CERS3: variants seen among roughly 807,000 people sequenced by gnomAD.
CERS3 encodes ceramide synthase 3.
In CERS3, 33 loss-of-function variants were observed where a neutral mutation model predicts 50.3. The observed-to-expected ratio is 0.66, with a 90% CI of 0.50 to 0.88. CERS3 has a LOEUF of 0.88. Among genes scored for constraint, CERS3 ranks in the 40% least tolerant of loss-of-function variants. The probability of loss-of-function intolerance (pLI) is 0.00; values close to 1 mark genes in which losing one functional copy is unlikely to be tolerated. For missense variants in CERS3, 470 were observed against 460.3 expected (o/e 1.02, Z -0.19); for synonymous variants, 176 against 155.2 (o/e 1.13, Z -0.99).
intron 2 of CERS3, among the ~76,000 whole-genome samples, chr15:100,513,915 A>G (rs953016372): frequency 2.0e-5 from 3 of 152,206 alleles, no homozygotes; most frequent in East Asian, 1.9e-4. Flanking sequence ...TTAAGCATCT[A>G]TAAGATCCTC....
chr15:100,405,749 T>C (rs1654018088), intron 11 of CERS3, among the ~76,000 whole-genome samples: 1 of 152,186 alleles, frequency 6.6e-6, no homozygotes, highest in Non-Finnish European at 1.5e-5. Flanking sequence ...ATTATGGGGA[T>C]GGCTGCACAA....
chr15:100,409,306 T>C (rs1452890075), intron 11 of CERS3, among the ~76,000 whole-genome samples: 1 of 152,236 alleles, frequency 6.6e-6, no homozygotes, highest in Non-Finnish European at 1.5e-5. Context: ...CTACATTCTA[T>C]TTCATTTTTA....
intron 11 of CERS3, among the ~76,000 whole-genome samples, chr15:100,440,783 C>T (rs946303817): frequency 6.6e-6 from 1 of 152,246 alleles, no homozygotes; most frequent in African/African-American, 2.4e-5. Flanking sequence ...ACTGTCTTCT[C>T]GAACCTCTCT....
chr15:100,450,969 T>C (rs74617924), intron 11 of CERS3, among the ~76,000 whole-genome samples: 2,593 of 152,254 alleles, frequency 0.017, 31 homozygotes, highest in East Asian at 0.034. Flanking sequence ...CTTTTATAAA[T>C]GTAGAAGAAA....
intron 11 of CERS3, among the ~76,000 whole-genome samples, chr15:100,450,220 A>G (rs531092459): frequency 1.3e-5 from 2 of 152,120 alleles, no homozygotes; most frequent in East Asian, 1.9e-4. Context: ...GGAGACCAAA[A>G]CCATTCTGGC....
Position 100,446,996 on chromosome 15 carries a change from A to G in CERS3, c.999+8897T>C, listed in dbSNP as rs182663073. 8.0e-4 allele frequency among the ~76,000 whole-genome samples: 122 copies of G among 152,358 alleles called. No individual in the cohort carries two copies. In the Middle Eastern group the frequency reaches 0.01, roughly 13 times the overall value. ...CACATAATAGATAGCAGCCCCTGAA[A>G]GAAATTGAAATATTTTACTCCAAAA... On this transcript the variant is annotated intron_variant, in intron 11 of 11. Transcript: ENST00000679737.
chr15:100,489,844 C>T (rs2035598768), intron 4 of CERS3, among the ~76,000 whole-genome samples: 2 of 152,218 alleles, frequency 1.3e-5, no homozygotes, highest in Non-Finnish European at 2.9e-5. Context: ...TTAGAGCCAG[C>T]TCTCACTTGC....
chr15:100,544,111 G>C (rs1357160648), intron 1 of CERS3: 3 of 152,436 alleles, frequency 2.0e-5, no homozygotes, highest in Non-Finnish European at 4.4e-5. Flanking sequence ...ACCTGGGCCA[G>C]ATCCCTGTTT....
chr15:100,485,691 C>T (rs1475375890), intron 4 of CERS3, among the ~76,000 whole-genome samples: 2 of 152,034 alleles, frequency 1.3e-5, no homozygotes, highest in Non-Finnish European at 2.9e-5. Flanking sequence ...TGGTGAAACC[C>T]CATCTCTACT....
At chr15:100,406,957 G>T (rs1171778951) in intron 11 of CERS3, among the ~76,000 whole-genome samples, 2 of 152,194 alleles carry the variant, frequency 1.3e-5, no homozygotes, top group Non-Finnish European at 2.9e-5. Context: ...GAGAGCTTGT[G>T]CAGGGGAACT....
intron 11 of CERS3, among the ~76,000 whole-genome samples, chr15:100,446,494 AACTCTTCAG>A (rs2142169764): frequency 6.6e-6 from 1 of 152,012 alleles, no homozygotes; most frequent in East Asian, 1.9e-4. Flanking sequence ...TTCCTTTGCC[AACTCTTCAG>A]TGATCTTTGA....
chr15:100,407,632 A>G (rs56343597), intron 11 of CERS3, among the ~76,000 whole-genome samples: 85,694 of 152,066 alleles, frequency 0.56, 24,416 homozygotes, highest in Non-Finnish European at 0.6. Context: ...TTTGCCCTCC[A>G]TATCTGTGGG....
chr15:100,468,708 A>G (rs1428510631), intron 10 of CERS3, among the ~76,000 whole-genome samples: 2 of 152,148 alleles, frequency 1.3e-5, no homozygotes, highest in African/African-American at 2.4e-5. Context: ...TCTGTCAATC[A>G]ACACATGGAA....
intron 11 of CERS3, among the ~76,000 whole-genome samples, chr15:100,443,048 T>G (rs1369197992): frequency 6.6e-6 from 1 of 151,992 alleles, no homozygotes; most frequent in African/African-American, 2.4e-5. Context: ...AGTTCCCTTA[T>G]TAGGCCGAGA....
chr15:100,433,536 A>G (rs940958045), intron 11 of CERS3, among the ~76,000 whole-genome samples: 2 of 152,180 alleles, frequency 1.3e-5, no homozygotes, highest in African/African-American at 4.8e-5. Context: ...CCTTGGCTCA[A>G]TTGGGTCATC....
chr15:100,478,338 T>C (rs781764934), intron 7 of CERS3, among the ~76,000 whole-genome samples: 1 of 152,128 alleles, frequency 6.6e-6, no homozygotes, highest in Non-Finnish European at 1.5e-5. Flanking sequence ...TGTCTGACAT[T>C]TTACCCTAGT....
chr15:100,532,943 T>C (rs1386413048), upstream of CERS3, among the ~76,000 whole-genome samples: 5 of 151,690 alleles, frequency 3.3e-5, no homozygotes, highest in African/African-American at 1.2e-4. Context: ...TAAAGTCATC[T>C]CTCCTCCCTG....
intron 11 of CERS3, among the ~76,000 whole-genome samples, chr15:100,434,255 T>C (rs1295136681): frequency 6.6e-6 from 1 of 152,224 alleles, no homozygotes; most frequent in African/African-American, 2.4e-5. Context: ...TCATTGGCCA[T>C]GGATCCACGC....
chr15:100,462,609 G>A (rs576507942), intron 10 of CERS3, among the ~76,000 whole-genome samples: 5 of 152,280 alleles, frequency 3.3e-5, no homozygotes, highest in African/African-American at 9.6e-5. Flanking sequence ...AATTTAATTT[G>A]AAGCCTATCT....
Sources: gnomAD v4.1 joint callset for allele counts (sites outside exome capture counted in the v4.1 genomes callset) on GRCh38, gnomAD v4.1.1 for gene constraint, MANE v1.5 for transcripts, NCBI Gene and HGNC (gene_info 2026-07-23, HGNC 2026-07-21) for gene names.